The following ITGAD variants were observed in gnomAD, a reference collection of about 807,000 sequenced individuals.
ITGAD encodes integrin subunit alpha D.
Under a neutral mutation model 139.0 loss-of-function variants are expected in ITGAD, and 105 were observed. The ratio of observed to expected loss-of-function variants is 0.76; its 90% CI spans 0.65 to 0.89. ITGAD has a LOEUF of 0.89. Among genes scored for constraint, ITGAD ranks in the 40% least tolerant of loss-of-function variants. The pLI, the probability that ITGAD is intolerant of heterozygous loss-of-function variation, is 0.00. For missense variants in ITGAD, 1,384 were observed against 1,487.3 expected (o/e 0.93, Z 1.14); for synonymous variants, 569 against 598.3 (o/e 0.95, Z 0.71).
rs191629802 is a variant in ITGAD at position 31,413,338 on chromosome 16, C to T, written c.1996+92C>T. On this transcript the variant is annotated intron_variant, in intron 16 of 29. Coordinates refer to ENST00000389202, the MANE Select transcript of ITGAD (RefSeq NM_005353.3). ...GATGGGATGGGCCTAGGAATCCAAT[C>T]TTACCTCCACATTCACTCACCACCT... is the stretch of plus-strand genomic sequence containing the variant. The T allele has an allele frequency of 9.1e-5, 121 of 1,336,258 alleles. No individual in the cohort carries two copies. The African/African-American group carries it at 1.6e-3, about 18-fold the overall frequency. The allele number at this position is 1,336,258 out of a possible 1,614,324, so 82.8% of individuals were successfully genotyped here. A position where few individuals can be genotyped will look rare whatever the true frequency, so the allele number is the denominator to read the frequency against.
intron 18 of ITGAD, among the ~76,000 whole-genome samples, chr16:31,415,877 C>A (rs529585175): frequency 6.6e-6 from 1 of 152,304 alleles, no homozygotes; most frequent in East Asian, 1.9e-4. Context: ...AGCATAGGAA[C>A]CATGTCGAAT....
At chr16:31,407,127 G>A (rs2081558772) in intron 7 of ITGAD, among the ~76,000 whole-genome samples, 1 of 152,230 alleles carries the variant, frequency 6.6e-6, no homozygotes, top group South Asian at 2.1e-4. Context: ...GCTGAGGCTG[G>A]TGGATCACTT....
At chr16:31,419,057 G>A (rs1424281194) in intron 23 of ITGAD, among the ~76,000 whole-genome samples, 2 of 150,760 alleles carry the variant, frequency 1.3e-5, no homozygotes, top group African/African-American at 2.4e-5. Context: ...GCTGGGCCTG[G>A]TGGCGCATGC....
rs377714773 is a variant in ITGAD, at chr16:31,402,602, A to C, written c.558+357A>C. ...CTAGTGCCTATGTATGTGCAAAAAA[A>C]CCCCACTGTTTTGTTTTTTAAACAG... On this transcript the variant is annotated intron_variant, in intron 6 of 29. Transcript: ENST00000389202. The C allele has an allele frequency of 1.2e-3, 205 of 175,156 alleles. 2 individuals carry two copies. The highest frequency in any genetic ancestry group is 2.7e-3 in the Middle Eastern group (1 of 364). 10.9% of individuals were successfully genotyped at this position (175,156 alleles called of 1,614,324 possible). A position where few individuals can be genotyped will look rare whatever the true frequency, so the allele number is the denominator to read the frequency against.
chr16:31,403,763 G>T lies in ITGAD; in HGVS notation c.704+118G>T, dbSNP rs1228427660. The T allele has an allele frequency of 7.7e-6, 10 of 1,306,058 alleles. No homozygotes were observed. Among genetic ancestry groups the T allele is most frequent in the Non-Finnish European group, 2.1e-6 (2 of 943,858 alleles). 80.9% of individuals were successfully genotyped at this position (1,306,058 alleles called of 1,614,324 possible). A position where few individuals can be genotyped will look rare whatever the true frequency, so the allele number is the denominator to read the frequency against. On this transcript the variant is annotated intron_variant, in intron 7 of 29. Coordinates refer to ENST00000389202, the MANE Select transcript of ITGAD (RefSeq NM_005353.3). This position sits in a 1 kb window ranked among gnomAD's most constrained non-coding sequence, Gnocchi z 4.4. ...CTCCAGGGAAAGGGGCTACCAAGGG[G>T]CATGTCGGGGCTGCAGGGAGAACCT...
chr16:31,394,252 T>C lies in ITGAD; in HGVS notation c.48T>C (p.His16=). ...VLLLSVLASY[H]GFNLDVEEPT... ...ATTCCTCAGTCCTGGCTTCTTATCATGGATTCAACCTGGATGTGGAGGAGC... is the reference window on the plus strand; with the variant it reads ...ATTCCTCAGTCCTGGCTTCTTATCACGGATTCAACCTGGATGTGGAGGAGC... The change falls in exon 2 of 30, where the codon CAT becomes CAC. Residue 16 remains histidine (H), a synonymous_variant. Transcript: ENST00000389202. 4 of 1,613,578 alleles carry C rather than the reference T, an allele frequency of 2.5e-6. No homozygotes were observed. Among genetic ancestry groups the C allele is most frequent in the Non-Finnish European group, 3.4e-6 (4 of 1,179,662 alleles).
chr16:31,397,216 G>A (rs1009652160), intron 2 of ITGAD, 143 bp from the exon 3 acceptor site: 2 of 631,990 alleles, frequency 3.2e-6, no homozygotes. Flanking sequence ...CCTGATTTCT[G>A]AATATTCTGC....
In ITGAD at chr16:31,418,099, C is replaced by T. The variant is rs117175899; in HGVS notation, c.2524C>T (p.Arg842Cys). ...GAAGCAGCCCCATCAGAGTGCCCTG[C>T]GCCTGGCATGTGAGACAGTGCCCAC... ...AQKQPHQSALRLACETVPTED... is the reference protein window; with the variant it reads ...AQKQPHQSALCLACETVPTED... The change falls in exon 21 of 30, where the codon CGC becomes TGC. Residue 842 changes from arginine (R) to cysteine (C), a missense_variant. Physicochemically the swap from Arg to Cys is radical, Grantham distance 180 (BLOSUM62 -3). Transcript: ENST00000389202. 7.1e-5 allele frequency: 115 copies of T among 1,614,038 alleles called. No homozygotes were observed. The highest frequency in any genetic ancestry group is 4.0e-4 in the East Asian group (18 of 44,870).
chr16:31,426,149 C>G lies in ITGAD; in HGVS notation c.*21C>G, dbSNP rs761371038. 1.3e-6 allele frequency: 2 copies of G among 1,488,716 alleles called. No individual in the cohort carries two copies. Among genetic ancestry groups the G allele is most frequent in the Non-Finnish European group, 9.4e-7 (1 of 1,068,286 alleles). 92.2% of individuals were successfully genotyped at this position (1,488,716 alleles called of 1,614,324 possible). ...CCTAATAATCCACTTTCCTGTTTATCTCTACCACTGTGGGCTGGACTTGCT... is the reference window on the plus strand; with the variant it reads ...CCTAATAATCCACTTTCCTGTTTATGTCTACCACTGTGGGCTGGACTTGCT... On this transcript the variant is annotated 3_prime_UTR_variant, in exon 30 of 30. Coordinates refer to ENST00000389202, the MANE Select transcript of ITGAD (RefSeq NM_005353.3).
Position 31,410,468 on chromosome 16 carries a change from G to C in ITGAD, c.1157G>C (p.Ser386Thr), listed in dbSNP as rs1197185028. The change falls in exon 11 of 30, where the codon AGC becomes ACC. Residue 386 changes from serine to threonine, a missense_variant. Transcript: ENST00000389202. Reference protein sequence around the residue: ...GGAFLYPPNMSPTFINMSQEN... With the variant: ...GGAFLYPPNMTPTFINMSQEN... The stretch of plus-strand genomic sequence containing the variant: ...GCCTTCCTGTATCCCCCAAATATGA[G>C]CCCCACCTTCATCAACATGTCTCAG... 5.6e-6 allele frequency: 9 copies of C among 1,613,712 alleles called. No individual in the cohort carries two copies. Among genetic ancestry groups the C allele is most frequent in the Non-Finnish European group, 7.6e-6 (9 of 1,179,876 alleles).
chr16:31,410,677 G>T, intron 11 of ITGAD, 59 bp from the exon 12 acceptor site: 1 of 1,568,938 alleles, frequency 6.4e-7, no homozygotes, highest in Admixed American at 1.8e-5. Context: ...CTGGGGTGGG[G>T]GTCCAGGGTT....
chr16:31,414,635 G>A (rs781614282), intron 17 of ITGAD, 30 bp downstream of exon 17: 3 of 1,612,862 alleles, frequency 1.9e-6, no homozygotes, highest in Non-Finnish European at 2.5e-6. Flanking sequence ...GGAAGGGGGA[G>A]AGAGGAGGAG....
Position 31,408,497 on chromosome 16 carries a change from T to C in ITGAD, c.1082T>C (p.Met361Thr). The C allele has an allele frequency of 6.2e-7, 1 of 1,613,518 alleles. No homozygotes were observed. Among genetic ancestry groups the C allele is most frequent in the East Asian group, 2.2e-5 (1 of 44,856 alleles). The change falls in exon 10 of 30, where the codon ATG becomes ACG. Residue 361 changes from methionine (M) to threonine (T), a missense_variant and splice_region_variant. Met to Thr is a moderately conservative substitution (Grantham distance 81). Transcript: ENST00000389202. The stretch of plus-strand genomic sequence containing the variant: ...GAAGGCTTCAGCACAGCCCTCACAA[T>C]GGTGGGTAGAGCCTGCCCTCAATCC... ...SQEGFSTALTMDGLFLGAVGS... is the reference protein window; with the variant it reads ...SQEGFSTALTTDGLFLGAVGS...
At chr16:31,397,723 G>A (rs1479962891) in intron 4 of ITGAD, 57 bp downstream of exon 4, 11 of 1,556,134 alleles carry the variant, frequency 7.1e-6, no homozygotes, top group Admixed American at 3.5e-5. Flanking sequence ...TGTTGTTGGG[G>A]AGGAGGCTGG....
At chr16:31,397,062 G>GTTTTT (rs539015704) in intron 2 of ITGAD, among the ~76,000 whole-genome samples, 2 of 100,820 alleles carry the variant, frequency 2.0e-5, no homozygotes, top group East Asian at 5.6e-4. Flanking sequence ...CTTTAAATAG[G>GTTTTT]TTTTTTTTTT....
intron 2 of ITGAD, 79 bp from the exon 3 acceptor site, chr16:31,397,280 G>A: frequency 1.1e-6 from 1 of 912,124 alleles, no homozygotes; most frequent in Admixed American, 2.2e-5. Flanking sequence ...CCCATGGAGG[G>A]ACACTTCCTC....
intron 18 of ITGAD, among the ~76,000 whole-genome samples, chr16:31,415,853 C>A (rs550095951): frequency 6.6e-6 from 1 of 152,284 alleles, no homozygotes; most frequent in South Asian, 2.1e-4. Context: ...TGTCTTGGGA[C>A]TGTAGTTTCT....
chr16:31,407,016 C>CT (rs549862476), intron 7 of ITGAD, among the ~76,000 whole-genome samples: 39 of 152,276 alleles, frequency 2.6e-4, no homozygotes, highest in Non-Finnish European at 4.1e-4. Context: ...AAGAATGTGA[C>CT]TTTTTTTATT....
intron 10 of ITGAD, among the ~76,000 whole-genome samples, chr16:31,409,889 G>A (rs1011278230): frequency 1.4e-5 from 2 of 138,780 alleles, no homozygotes; most frequent in South Asian, 4.8e-4. Context: ...CACAGCCTGT[G>A]TGACAGAGCA....
Sources: gnomAD v4.1 joint callset for allele counts (sites outside exome capture counted in the v4.1 genomes callset) on GRCh38, gnomAD v4.1.1 for gene constraint, Gnocchi (gnomAD v3.1) non-coding constraint, MANE v1.5 for transcripts, NCBI Gene and HGNC (gene_info 2026-07-23, HGNC 2026-07-21) for gene names.